The following BICD1 variants were observed in gnomAD, a reference collection of about 807,000 sequenced individuals.
The protein encoded by BICD1 is protein bicaudal D homolog 1.
BICD1 carries 35 observed loss-of-function variants against 92.5 expected under a neutral mutation model. The observed-to-expected ratio is 0.38, with a 90% CI of 0.29 to 0.50. The LOEUF is 0.50. Ranked by LOEUF, BICD1 falls within the 20% of genes least tolerant of loss-of-function variation. BICD1 has a pLI of 0.93. For synonymous variants in BICD1, 429 were observed against 465.1 expected (o/e 0.92, Z 1.00); for missense variants, 950 against 1,189.8 (o/e 0.80, Z 2.97).
At chr12:32,311,849 G>A (rs1382356452) in intron 4 of BICD1, among the ~76,000 whole-genome samples, 2 of 152,218 alleles carry the variant, frequency 1.3e-5, no homozygotes, top group African/African-American at 4.8e-5. Context: ...TCTACAGAAT[G>A]TGGATTTTTC....
At chr12:32,264,497 T>C (rs1946939686) in intron 2 of BICD1, among the ~76,000 whole-genome samples, 1 of 151,006 alleles carries the variant, frequency 6.6e-6, no homozygotes, top group Non-Finnish European at 1.5e-5. Flanking sequence ...TAAATAGAAT[T>C]TTTTTTTTAA....
chr12:32,219,274 G>C (rs149271042), intron 2 of BICD1, among the ~76,000 whole-genome samples: 1 of 152,270 alleles, frequency 6.6e-6, no homozygotes, highest in Non-Finnish European at 1.5e-5. Flanking sequence ...GTGTGTGCGT[G>C]CATATATGTT....
chr12:32,123,860 G>A (rs1592335179), intron 1 of BICD1, among the ~76,000 whole-genome samples: 1 of 151,342 alleles, frequency 6.6e-6, no homozygotes, highest in East Asian at 1.9e-4. Context: ...CTGGGCGACA[G>A]AGCAAGACTC....
intron 8 of BICD1, chr12:32,339,725 A>T (rs1239638202): frequency 1.5e-5 from 15 of 985,294 alleles, no homozygotes; most frequent in Non-Finnish European, 1.8e-5. Context: ...TATAGGGCAG[A>T]AGTGGCAAAC....
At chr12:32,298,205 A>T (rs1012209935) in intron 3 of BICD1, among the ~76,000 whole-genome samples, 3 of 151,962 alleles carry the variant, frequency 2.0e-5, no homozygotes, top group African/African-American at 7.3e-5. Flanking sequence ...TGGGAAAAAA[A>T]AAAGCAACAA....
At chr12:32,338,527 AG>A (rs1244779484) in intron 7 of BICD1, 2 of 328,948 alleles carry the variant, frequency 6.1e-6, no homozygotes, top group African/African-American at 4.3e-5. Flanking sequence ...CTTTCATTAA[AG>A]ACTCAAATAA....
At chr12:32,281,556 C>T (rs1947412137) in intron 2 of BICD1, among the ~76,000 whole-genome samples, 1 of 152,082 alleles carries the variant, frequency 6.6e-6, no homozygotes. Context: ...GTATACCTTA[C>T]AGTGGATAAG....
chr12:32,187,961 C>T (rs111913916), intron 1 of BICD1, among the ~76,000 whole-genome samples: 15,656 of 149,332 alleles, frequency 0.1, 924 homozygotes, highest in South Asian at 0.19. Context: ...TTTTTTTAGA[C>T]GGAGTCTCGC....
rs1322105866 is a variant in BICD1 at position 32,328,993 on chromosome 12, G to A, written c.2100+438G>A. Among the ~76,000 whole-genome samples the A allele has an allele frequency of 6.6e-6, 1 of 152,170 alleles. No homozygotes were observed. Among genetic ancestry groups the A allele is most frequent in the African/African-American group, 2.4e-5 (1 of 41,434 alleles). On this transcript the variant is annotated intron_variant, in intron 5 of 9. Coordinates refer to ENST00000652176, the MANE Select transcript of BICD1 (RefSeq NM_001714.4). The surrounding 1 kb of genome is among the most constrained non-coding windows in gnomAD (Gnocchi z 4.4). The stretch of plus-strand genomic sequence containing the variant: ...CTAGAGCAAACAGAGGGAAATCTGG[G>A]TACATATGGTGAAGAAGGTCTGATG...
At chr12:32,246,002 C>T (rs892283632) in intron 2 of BICD1, among the ~76,000 whole-genome samples, 4 of 113,686 alleles carry the variant, frequency 3.5e-5, no homozygotes, top group African/African-American at 1.3e-4. Context: ...TGCACTACAG[C>T]CTGGGTGATA....
intron 2 of BICD1, among the ~76,000 whole-genome samples, chr12:32,246,570 T>G (rs1414363855): frequency 6.6e-6 from 1 of 152,034 alleles, no homozygotes; most frequent in Admixed American, 6.6e-5. Flanking sequence ...CCTGGGGGGT[T>G]GAGGCTGCAG....
At chr12:32,140,706 C>G (rs573259354) in intron 1 of BICD1, among the ~76,000 whole-genome samples, 1 of 152,204 alleles carries the variant, frequency 6.6e-6, no homozygotes, top group African/African-American at 2.4e-5. Context: ...TGTCTGTAGA[C>G]AAAAAGCAAA....
chr12:32,174,447 G>T (rs1047843614), intron 1 of BICD1, among the ~76,000 whole-genome samples: 6 of 151,838 alleles, frequency 4.0e-5, no homozygotes, highest in African/African-American at 1.5e-4. Flanking sequence ...AGGCTGCAGT[G>T]TACAATGTTC....
intron 8 of BICD1, among the ~76,000 whole-genome samples, chr12:32,349,048 C>T (rs1353765979): frequency 6.6e-6 from 1 of 152,070 alleles, no homozygotes; most frequent in Non-Finnish European, 1.5e-5. Context: ...ATCCTTTGTG[C>T]CAGGGAGTTG....
chr12:32,370,147 T>C (rs1181118808), intron 9 of BICD1, among the ~76,000 whole-genome samples: 1 of 152,036 alleles, frequency 6.6e-6, no homozygotes, highest in Non-Finnish European at 1.5e-5. Flanking sequence ...GGCCGGTGGA[T>C]CACAAGGTCA....
intron 3 of BICD1, among the ~76,000 whole-genome samples, chr12:32,300,392 C>T (rs1026077145): frequency 3.3e-5 from 5 of 151,948 alleles, no homozygotes; most frequent in South Asian, 2.1e-4. Flanking sequence ...CATGAGCCAC[C>T]GTGCCCAGCC....
At chr12:32,276,982 T>G (rs985607795) in intron 2 of BICD1, among the ~76,000 whole-genome samples, 1 of 152,170 alleles carries the variant, frequency 6.6e-6, no homozygotes, top group Non-Finnish European at 1.5e-5. Flanking sequence ...TTCTGACAAC[T>G]CTGGACGTCC....
chr12:32,191,613 GTATATAA>G (rs201912998), intron 1 of BICD1, among the ~76,000 whole-genome samples: 9,653 of 144,920 alleles, frequency 0.067, 326 homozygotes, highest in South Asian at 0.11. Context: ...TATATAATAC[GTATATAA>G]TATATAATAT....
At position 32,305,934 on chromosome 12, in the gene BICD1, G is replaced by A. The variant is rs764393034; in HGVS notation, c.817G>A (p.Ala273Thr). Residue 273 changes from alanine (A) to threonine (T), a missense_variant, in exon 4 of 10, where the codon GCC becomes ACC. Coordinates refer to ENST00000652176, the MANE Select transcript of BICD1 (RefSeq NM_001714.4). ...ISISVDGLKF[A>T]EDGSEPNNDD... ...CATCTCAGTAGATGGACTCAAATTT[G>A]CCGAGGATGGGAGTGAACCAAACAA... is the stretch of plus-strand genomic sequence containing the variant. The A allele has an allele frequency of 6.2e-7, 1 of 1,614,180 alleles. No individual in the cohort carries two copies. The highest frequency in any genetic ancestry group is 8.5e-7 in the Non-Finnish European group (1 of 1,180,034).
Sources: allele counts gnomAD v4.1 joint callset (sites outside exome capture counted in the v4.1 genomes callset), GRCh38; gene constraint gnomAD v4.1.1; non-coding constraint Gnocchi (gnomAD v3.1); transcripts MANE v1.5; gene names NCBI Gene and HGNC (gene_info 2026-07-23, HGNC 2026-07-21).